Variants in CAMK2N1 observed in about 807,000 individuals in gnomAD.
CAMK2N1 encodes calcium/calmodulin dependent protein kinase II inhibitor 1.
Under a neutral mutation model 6.4 loss-of-function variants are expected in CAMK2N1, and 2 were observed. That is an observed-to-expected ratio of 0.31 (90% CI 0.13 to 0.98). The LOEUF is 0.98. CAMK2N1 is among the 50% of genes least tolerant of loss of function. The probability of loss-of-function intolerance (pLI) is 0.51; values close to 1 mark genes in which losing one functional copy is unlikely to be tolerated. For missense variants in CAMK2N1, 77 were observed against 107.3 expected (o/e 0.72, Z 1.25); for synonymous variants, 42 against 47.5 (o/e 0.88, Z 0.47).
At position 20,485,302 on chromosome 1, in the gene CAMK2N1, G is replaced by A. The variant is rs758752087; in HGVS notation, c.78C>T (p.Ser26=). 6.3e-7 allele frequency: 1 copy of A among 1,595,612 alleles called. No homozygotes were observed. Among genetic ancestry groups the A allele is most frequent in the South Asian group, 1.1e-5 (1 of 88,898 alleles). Residue 26 remains serine (S), a synonymous_variant, in exon 1 of 2, where the codon TCC becomes TCT. Coordinates refer to ENST00000375078, the MANE Select transcript of CAMK2N1 (RefSeq NM_018584.6). The surrounding 1 kb of genome is among the most constrained non-coding windows in gnomAD (Gnocchi z 8.4). ...GDGGDVGQIF[S]CRLQDTNNFF... is the part of the protein sequence containing the mutation. ...AGTTGTTGGTGTCCTGCAGGCGGCA[G>A]GAGAAGATCTGGCCCACGTCGCCGC... is the stretch of plus-strand genomic sequence containing the variant.
rs1054813646 is a variant in CAMK2N1 at position 20,484,937 on chromosome 1, C to T, written c.166+277G>A. On this transcript the variant is annotated intron_variant, in intron 1 of 1. Transcript: ENST00000375078. This position sits in a 1 kb window ranked among gnomAD's most constrained non-coding sequence, Gnocchi z 6.8. ...CTGCGCAAAAGGCGGGGGTGGGGGG[C>T]GCAAATCAAAAAGCAAACTTTGCCG... 2.0e-5 allele frequency among the ~76,000 whole-genome samples: 3 copies of T among 152,140 alleles called. No homozygotes were observed. Among genetic ancestry groups the T allele is most frequent in the Non-Finnish European group, 4.4e-5 (3 of 68,020 alleles).
At position 20,483,177 on chromosome 1, in the gene CAMK2N1, C is replaced by T. The variant is rs2051482332; in HGVS notation, c.*472G>A. Reference sequence around the variant, plus strand: ...GCATTTCACATCCAAGTGCACAGAACCATTTTTGCAAGATTAAATAATGTA... The same window carrying T: ...GCATTTCACATCCAAGTGCACAGAATCATTTTTGCAAGATTAAATAATGTA... On this transcript the variant is annotated 3_prime_UTR_variant, in exon 2 of 2. Transcript: ENST00000375078. 6.6e-6 allele frequency: 1 copy of T among 152,572 alleles called. No individual in the cohort carries two copies. The highest frequency in any genetic ancestry group is 2.1e-4 in the South Asian group (1 of 4,816). The allele number at this position is 152,572 out of a possible 1,614,324, so 9.5% of individuals were successfully genotyped here.
rs1323665720 is a variant in CAMK2N1 at position 20,485,791 on chromosome 1, G to A, written c.-412C>T. 6.5e-6 allele frequency: 1 copy of A among 152,680 alleles called. No individual in the cohort carries two copies. Among genetic ancestry groups the A allele is most frequent in the African/African-American group, 2.4e-5 (1 of 41,220 alleles). 9.5% of individuals were successfully genotyped at this position (152,680 alleles called of 1,614,324 possible). ...GGGAGCCGGGCGGGCCGGTCCTGCG[G>A]CGAGTGCGGGCGGCGGCGCCGGTTC... On this transcript the variant is annotated 5_prime_UTR_variant, in exon 1 of 2. Transcript: ENST00000375078. The surrounding 1 kb of genome is among the most constrained non-coding windows in gnomAD (Gnocchi z 8.4).
In CAMK2N1 at chr1:20,485,246, G is replaced by T; in HGVS notation, c.134C>A (p.Pro45His). ...FFGAGQNKRP[P>H]KLGQIGRSKR... is the part of the protein sequence containing the mutation. ...GCTCCGGCCGATCTGGCCCAGCTTG[G>T]GCGGCCGCTTGTTCTGCCCGGCGCC... The change falls in exon 1 of 2, where the codon CCC (proline) becomes CAC (histidine). Residue 45 changes from proline to histidine, a missense_variant. Pro to His is a moderately conservative substitution (Grantham distance 77). Transcript: ENST00000375078. The surrounding 1 kb of genome is among the most constrained non-coding windows in gnomAD (Gnocchi z 8.4). The T allele has an allele frequency of 6.3e-7, 1 of 1,597,280 alleles. No individual in the cohort carries two copies. Among genetic ancestry groups the T allele is most frequent in the African/African-American group, 1.3e-5 (1 of 74,824 alleles).
At position 20,484,966 on chromosome 1, in the gene CAMK2N1, G is replaced by C. The variant is rs994780837; in HGVS notation, c.166+248C>G. 3.3e-5 allele frequency among the ~76,000 whole-genome samples: 5 copies of C among 152,178 alleles called. No individual in the cohort carries two copies. The highest frequency in any genetic ancestry group is 2.6e-4 in the Admixed American group (4 of 15,290). On this transcript the variant is annotated intron_variant, in intron 1 of 1. Coordinates refer to ENST00000375078, the MANE Select transcript of CAMK2N1 (RefSeq NM_018584.6). This position sits in a 1 kb window ranked among gnomAD's most constrained non-coding sequence, Gnocchi z 6.8. ...AATCAAAAAGCAAACTTTGCCGCGC[G>C]GGTGGAGACCCCCAGCTGCTGCTAG...
At position 20,485,653 on chromosome 1, in the gene CAMK2N1, T is replaced by A. The variant is rs1459525001; in HGVS notation, c.-274A>T. On this transcript the variant is annotated 5_prime_UTR_variant, in exon 1 of 2. It removes an upstream start codon present in the reference 5' UTR. Coordinates refer to ENST00000375078, the MANE Select transcript of CAMK2N1 (RefSeq NM_018584.6). The surrounding 1 kb of genome is among the most constrained non-coding windows in gnomAD (Gnocchi z 8.4). ...CCGCCAGAGGCGAGCAGGACTCACA[T>A]CCTCGGCGCGCTGGGGCTCTGGGCG... 6.9e-6 allele frequency: 1 copy of A among 145,624 alleles called. No homozygotes were observed. Among genetic ancestry groups the A allele is most frequent in the Admixed American group, 6.8e-5 (1 of 14,778 alleles). 9.0% of individuals were successfully genotyped at this position (145,624 alleles called of 1,614,324 possible).
rs371757190 is a variant in CAMK2N1 at position 20,485,205 on chromosome 1, C to T, written c.166+9G>A. ...AAGGGGGTGTCAGACAAGGGGGCCG[C>T]GAACTCACCCCGCTTGCTCCGGCCG... On this transcript the variant is annotated intron_variant, in intron 1 of 1. Transcript: ENST00000375078. The surrounding 1 kb of genome is among the most constrained non-coding windows in gnomAD (Gnocchi z 8.4). 109 of 1,588,586 alleles carry T rather than the reference C, an allele frequency of 6.9e-5. No individual in the cohort carries two copies. The highest frequency in any genetic ancestry group is 8.9e-5 in the Non-Finnish European group (104 of 1,170,824).
rs1557509342 is a variant in CAMK2N1, at chr1:20,484,930, T to TG, written c.166+283dup. 2.0e-5 allele frequency among the ~76,000 whole-genome samples: 3 copies of TG among 151,680 alleles called. No homozygotes were observed. The highest frequency in any genetic ancestry group is 4.4e-5 in the Non-Finnish European group (3 of 67,894). On this transcript the variant is annotated intron_variant, in intron 1 of 1. Transcript: ENST00000375078. The surrounding 1 kb of genome is among the most constrained non-coding windows in gnomAD (Gnocchi z 6.8). ...GACTACACTGCGCAAAAGGCGGGGG[T>TG]GGGGGGCGCAAATCAAAAAGCAAAC...
rs770906456 is a variant in CAMK2N1 at position 20,485,355 on chromosome 1, C to A, written c.25G>T (p.Asp9Tyr). MSEVLPYG[D>Y]EKLSPYGDGG... Reference sequence around the variant, plus strand: ...TCGCCGTAGGGGCTCAGCTTCTCGTCGCCGTAGGGCAGCACCTCCGACATG... The same window carrying A: ...TCGCCGTAGGGGCTCAGCTTCTCGTAGCCGTAGGGCAGCACCTCCGACATG... Residue 9 changes from aspartate (D) to tyrosine (Y), a missense_variant, in exon 1 of 2, where the codon GAC (aspartate) becomes TAC (tyrosine). Transcript: ENST00000375078. This position sits in a 1 kb window ranked among gnomAD's most constrained non-coding sequence, Gnocchi z 8.4. The A allele has an allele frequency of 5.3e-6, 8 of 1,504,550 alleles. No homozygotes were observed. The highest frequency in any genetic ancestry group is 7.1e-6 in the Non-Finnish European group (8 of 1,125,872). The allele number at this position is 1,504,550 out of a possible 1,614,324, so 93.2% of individuals were successfully genotyped here.
chr1:20,484,708 G>C lies in CAMK2N1; in HGVS notation c.166+506C>G, dbSNP rs1390224386. 2 of 152,940 alleles carry C rather than the reference G, an allele frequency of 1.3e-5. No homozygotes were observed. Among genetic ancestry groups the C allele is most frequent in the East Asian group, 3.9e-4 (2 of 5,182 alleles). The allele number at this position is 152,940 out of a possible 1,614,324, so 9.5% of individuals were successfully genotyped here. A position where few individuals can be genotyped will look rare whatever the true frequency, so the allele number is the denominator to read the frequency against. On this transcript the variant is annotated intron_variant, in intron 1 of 1. Transcript: ENST00000375078. This position sits in a 1 kb window ranked among gnomAD's most constrained non-coding sequence, Gnocchi z 6.8. ...CCTCTCTGCGTCTCCGCCTCTCTGG[G>C]GCTTTTCCAGCTCTCGCGCGGATCG...
chr1:20,483,646 G>T lies in CAMK2N1; in HGVS notation c.*3C>A. 1 of 1,611,778 alleles carries T rather than the reference G, an allele frequency of 6.2e-7. No individual in the cohort carries two copies. The highest frequency in any genetic ancestry group is 8.5e-7 in the Non-Finnish European group (1 of 1,177,872). Reference sequence around the variant, plus strand: ...CTCCCTTAACTCATTGTCTTTGGGGGAGTTAGACACCAGGAGGTGCCTTGT... The same window carrying T: ...CTCCCTTAACTCATTGTCTTTGGGGTAGTTAGACACCAGGAGGTGCCTTGT... On this transcript the variant is annotated 3_prime_UTR_variant, in exon 2 of 2. Coordinates refer to ENST00000375078, the MANE Select transcript of CAMK2N1 (RefSeq NM_018584.6).
chr1:20,483,868 G>A (rs1328907891), intron 1 of CAMK2N1, 149 bp from the exon 2 acceptor site: 4 of 685,498 alleles, frequency 5.8e-6, no homozygotes, highest in Admixed American at 2.2e-5. Context: ...TCCATCCTCC[G>A]TCCCTGCCAG....
Position 20,485,361 on chromosome 1 carries a change from A to T in CAMK2N1, c.19T>A (p.Tyr7Asn), listed in dbSNP as rs2051502855. 6.8e-7 allele frequency: 1 copy of T among 1,477,314 alleles called. No homozygotes were observed. Among genetic ancestry groups the T allele is most frequent in the Non-Finnish European group, 9.0e-7 (1 of 1,112,476 alleles). 91.5% of individuals were successfully genotyped at this position (1,477,314 alleles called of 1,614,324 possible). MSEVLPYGDEKLSPYGD... is the reference protein window; with the variant it reads MSEVLPNGDEKLSPYGD... Reference sequence around the variant, plus strand: ...TAGGGGCTCAGCTTCTCGTCGCCGTAGGGCAGCACCTCCGACATGGTCGCG... The same window carrying T: ...TAGGGGCTCAGCTTCTCGTCGCCGTTGGGCAGCACCTCCGACATGGTCGCG... Residue 7 changes from tyrosine to asparagine, a missense_variant, in exon 1 of 2, where the codon TAC (tyrosine) becomes AAC (asparagine). Transcript: ENST00000375078. The surrounding 1 kb of genome is among the most constrained non-coding windows in gnomAD (Gnocchi z 8.4).
rs1381166124 is a variant in CAMK2N1, at chr1:20,484,140, G to T, written c.167-421C>A. 6.6e-6 allele frequency among the ~76,000 whole-genome samples: 1 copy of T among 152,224 alleles called. No homozygotes were observed. Among genetic ancestry groups the T allele is most frequent in the Non-Finnish European group, 1.5e-5 (1 of 68,042 alleles). On this transcript the variant is annotated intron_variant, in intron 1 of 1. Coordinates refer to ENST00000375078, the MANE Select transcript of CAMK2N1 (RefSeq NM_018584.6). The surrounding 1 kb of genome is among the most constrained non-coding windows in gnomAD (Gnocchi z 6.8). ...CCCGAGCGCAGCTCCGGTGGGCAAG[G>T]CTAGGTGCGGAGATGAGCGGAACCA...
In CAMK2N1 at chr1:20,484,990, A is replaced by G. The variant is rs760873190; in HGVS notation, c.166+224T>C. Among the ~76,000 whole-genome samples, 1 of 152,192 alleles carries G rather than the reference A, an allele frequency of 6.6e-6. No individual in the cohort carries two copies. The highest frequency in any genetic ancestry group is 1.5e-5 in the Non-Finnish European group (1 of 68,026). On this transcript the variant is annotated intron_variant, in intron 1 of 1. Transcript: ENST00000375078. This position sits in a 1 kb window ranked among gnomAD's most constrained non-coding sequence, Gnocchi z 6.8. ...CGGGTGGAGACCCCCAGCTGCTGCT[A>G]GAAGCCGCCACGCCCCCAGGGTGAC...
Position 20,485,140 on chromosome 1 carries a change from G to C in CAMK2N1, c.166+74C>G. ...GGTCTGAACGGGCTCCAGCGGGTGG[G>C]AGACCTCCGCAACCCTTGTTCAGGC... On this transcript the variant is annotated intron_variant, in intron 1 of 1. Transcript: ENST00000375078. This position sits in a 1 kb window ranked among gnomAD's most constrained non-coding sequence, Gnocchi z 8.4. 1 of 1,464,770 alleles carries C rather than the reference G, an allele frequency of 6.8e-7. No homozygotes were observed. The highest frequency in any genetic ancestry group is 1.3e-5 in the South Asian group (1 of 78,062). 90.7% of individuals were successfully genotyped at this position (1,464,770 alleles called of 1,614,324 possible). A position where few individuals can be genotyped will look rare whatever the true frequency, so the allele number is the denominator to read the frequency against.
At chr1:20,483,916 C>T (rs944954362) in intron 1 of CAMK2N1, among the ~76,000 whole-genome samples, 197 bp from the exon 2 acceptor site, 2 of 152,176 alleles carry the variant, frequency 1.3e-5, no homozygotes, top group African/African-American at 4.8e-5. Flanking sequence ...CACCCACCAC[C>T]CTCTATCCTC....
At position 20,484,172 on chromosome 1, in the gene CAMK2N1, G is replaced by T. The variant is rs138206689; in HGVS notation, c.167-453C>A. Among the ~76,000 whole-genome samples the T allele has an allele frequency of 5.9e-5, 9 of 152,322 alleles. No homozygotes were observed. Among genetic ancestry groups the T allele is most frequent in the Admixed American group, 3.3e-4 (5 of 15,312 alleles). On this transcript the variant is annotated intron_variant, in intron 1 of 1. Coordinates refer to ENST00000375078, the MANE Select transcript of CAMK2N1 (RefSeq NM_018584.6). The surrounding 1 kb of genome is among the most constrained non-coding windows in gnomAD (Gnocchi z 6.8). Reference sequence around the variant, plus strand: ...GCGGAGATGAGCGGAACCAGGAGGGGACGCCAAAACCGGTTCCCACGACGC... The same window carrying T: ...GCGGAGATGAGCGGAACCAGGAGGGTACGCCAAAACCGGTTCCCACGACGC...
chr1:20,482,817 G>A lies in CAMK2N1; in HGVS notation c.*832C>T, dbSNP rs2051478380. On this transcript the variant is annotated 3_prime_UTR_variant, in exon 2 of 2. Coordinates refer to ENST00000375078, the MANE Select transcript of CAMK2N1 (RefSeq NM_018584.6). ...CTGCTCACACAACAGACTGCAAGGG[G>A]AAGTTAGAAAAAGCTCAAGCATTTT... 6.6e-6 allele frequency: 1 copy of A among 151,562 alleles called. No homozygotes were observed. 9.4% of individuals were successfully genotyped at this position (151,562 alleles called of 1,614,324 possible). A position where few individuals can be genotyped will look rare whatever the true frequency, so the allele number is the denominator to read the frequency against.
Sources: gnomAD v4.1 joint callset for allele counts (sites outside exome capture counted in the v4.1 genomes callset) on GRCh38, gnomAD v4.1.1 for gene constraint, Gnocchi (gnomAD v3.1) non-coding constraint, MANE v1.5 for transcripts, NCBI Gene and HGNC (gene_info 2026-07-23, HGNC 2026-07-21) for gene names.